The following CTSV variants were observed in gnomAD, a reference collection of about 807,000 sequenced individuals.
CTSV encodes cathepsin L2.
CTSV carries 33 observed loss-of-function variants against 35.6 expected under a neutral mutation model. The observed-to-expected ratio is 0.93, with a 90% confidence interval of 0.70 to 1.24. The LOEUF (loss-of-function observed/expected upper bound fraction) is 1.24. Ranked by LOEUF, CTSV falls within the 50% of genes most tolerant of loss-of-function variation. CTSV has a pLI of 0.00. For missense variants in CTSV, 408 were observed against 413.1 expected, an observed-to-expected ratio of 0.99 and a Z score of 0.11; for synonymous variants, 154 against 147.1, an observed-to-expected ratio of 1.05 and a Z score of -0.34.
rs1828719714 is a variant in CTSV at position 97,030,305 on chromosome 9, A to G, written c.*2644T>C. Reference sequence around the variant, plus strand: ...GCCTCTAGTATGATGCCCAAGTGTCATAACTACACTCCCACATCAGCAAAC... The same window carrying G: ...GCCTCTAGTATGATGCCCAAGTGTCGTAACTACACTCCCACATCAGCAAAC... On this transcript the variant is annotated 3_prime_UTR_variant, in exon 8 of 8. Transcript: ENST00000259470. 3 of 152,202 alleles carry G rather than the reference A, an allele frequency of 2.0e-5. No individual in the cohort carries two copies. The highest frequency in any genetic ancestry group is 4.4e-5 in the Non-Finnish European group (3 of 68,026). 9.4% of individuals were successfully genotyped at this position (152,202 alleles called of 1,614,324 possible).
At position 97,037,272 on chromosome 9, in the gene CTSV, C is replaced by T. The variant is rs754510545; in HGVS notation, c.376G>A (p.Val126Met). ...CTCACCTGATTCTTCACTGGCGTCACGTAGCCTTTCTTTCTCCAATCCACA... is the reference window on the plus strand; with the variant it reads ...CTCACCTGATTCTTCACTGGCGTCATGTAGCCTTTCTTTCTCCAATCCACA... ...KSVDWRKKGY[V>M]TPVKNQKQCG... Residue 126 changes from valine (V) to methionine (M), a missense_variant, in exon 4 of 8, where the codon GTG becomes ATG. Transcript: ENST00000259470. 5.0e-6 allele frequency: 8 copies of T among 1,614,068 alleles called. No individual in the cohort carries two copies. Among genetic ancestry groups the T allele is most frequent in the African/African-American group, 1.3e-5 (1 of 75,038 alleles).
intron 1 of CTSV, 53 bp from the exon 2 acceptor site, chr9:97,038,106 C>T (rs1361709460): frequency 6.5e-7 from 1 of 1,529,382 alleles, no homozygotes; most frequent in Non-Finnish European, 9.0e-7. Context: ...AAAAAGCCAT[C>T]TTACAGCCCC....
chr9:97,035,592 T>G lies in CTSV; in HGVS notation c.723A>C (p.Ala241=). 1.9e-6 allele frequency: 3 copies of G among 1,605,136 alleles called. No individual in the cohort carries two copies. Among genetic ancestry groups the G allele is most frequent in the Non-Finnish European group, 2.6e-6 (3 of 1,174,908 alleles). ...GKEKALMKAV[A]TVGPISVAMD... ...TAGCAACGGAGATGGGCCCCACAGTTGCGACTGCTTTCATCAGGGCCTTCT... is the reference window on the plus strand; with the variant it reads ...TAGCAACGGAGATGGGCCCCACAGTGGCGACTGCTTTCATCAGGGCCTTCT... The change falls in exon 6 of 8, where the codon GCA becomes GCC. Residue 241 remains alanine (A), a synonymous_variant. Coordinates refer to ENST00000259470, the MANE Select transcript of CTSV (RefSeq NM_001333.4).
At position 97,029,766 on chromosome 9, in the gene CTSV, A is replaced by G. The variant is rs938979424; in HGVS notation, c.*3183T>C. On this transcript the variant is annotated 3_prime_UTR_variant, in exon 8 of 8. Coordinates refer to ENST00000259470, the MANE Select transcript of CTSV (RefSeq NM_001333.4). The stretch of plus-strand genomic sequence containing the variant: ...TTGTTTACAATTGAGATATCCATAC[A>G]CACAAGTCATGTGCTGTGTGATGTT... 6.6e-6 allele frequency: 1 copy of G among 152,226 alleles called. No homozygotes were observed. Among genetic ancestry groups the G allele is most frequent in the Non-Finnish European group, 1.5e-5 (1 of 68,038 alleles). The allele number at this position is 152,226 out of a possible 1,614,324, so 9.4% of individuals were successfully genotyped here. A position where few individuals can be genotyped will look rare whatever the true frequency, so the allele number is the denominator to read the frequency against.
intron 1 of CTSV, 100 bp from the exon 2 acceptor site, chr9:97,038,153 T>C: frequency 1.5e-6 from 2 of 1,294,416 alleles, no homozygotes; most frequent in South Asian, 1.5e-5. Flanking sequence ...CTCCCTAGCA[T>C]TTCCCCAAGG....
intron 7 of CTSV, among the ~76,000 whole-genome samples, chr9:97,033,789 C>T (rs1033363476): frequency 6.6e-6 from 1 of 151,914 alleles, no homozygotes; most frequent in African/African-American, 2.4e-5. Context: ...CAGAGCAAGA[C>T]TCCATCTCAG....
At chr9:97,033,480 G>A (rs572656624) in intron 7 of CTSV, among the ~76,000 whole-genome samples, 18 of 151,404 alleles carry the variant, frequency 1.2e-4, no homozygotes, top group African/African-American at 3.6e-4. Context: ...AAAATTAACC[G>A]GGCATGTAAT....
intron 7 of CTSV, among the ~76,000 whole-genome samples, chr9:97,034,053 T>C (rs1438064771): frequency 6.6e-6 from 1 of 151,938 alleles, no homozygotes; most frequent in Non-Finnish European, 1.5e-5. Flanking sequence ...GCTGAGATCG[T>C]GCCACTGCAC....
At chr9:97,034,576 G>T in intron 7 of CTSV, 150 bp downstream of exon 7, 1 of 621,764 alleles carries the variant, frequency 1.6e-6, no homozygotes, top group Non-Finnish European at 2.8e-6. Context: ...CAAAAAGCTT[G>T]GTACGGAATC....
chr9:97,036,679 A>G lies in CTSV; in HGVS notation c.465T>C (p.Thr155=). 6.2e-7 allele frequency: 1 copy of G among 1,614,060 alleles called. No individual in the cohort carries two copies. Among genetic ancestry groups the G allele is most frequent in the Non-Finnish European group, 8.5e-7 (1 of 1,180,016 alleles). ...GALEGQMFRK[T]GKLVSLSEQN... is the part of the protein sequence containing the mutation. ...GCTCGCTCAGTGAGACAAGTTTCCC[A>G]GTTTTCCGGAACATCTGTCCTTCAA... Residue 155 remains threonine, a synonymous_variant, in exon 5 of 8, where the codon ACT becomes ACC. Coordinates refer to ENST00000259470, the MANE Select transcript of CTSV (RefSeq NM_001333.4).
intron 7 of CTSV, among the ~76,000 whole-genome samples, chr9:97,034,052 G>C (rs186043423): frequency 1.3e-5 from 2 of 152,158 alleles, no homozygotes; most frequent in Non-Finnish European, 2.9e-5. Flanking sequence ...AGCTGAGATC[G>C]TGCCACTGCA....
intron 4 of CTSV, 129 bp from the exon 5 acceptor site, chr9:97,036,876 G>T (rs1411702982): frequency 3.5e-6 from 3 of 847,236 alleles, no homozygotes; most frequent in Non-Finnish European, 5.2e-6. Context: ...AGGCCGAGGC[G>T]GGCAGATCAC....
intron 4 of CTSV, 95 bp from the exon 5 acceptor site, chr9:97,036,842 A>C (rs1828861235): frequency 1.7e-6 from 2 of 1,209,064 alleles, no homozygotes; most frequent in African/African-American, 3.1e-5. Flanking sequence ...TAAAAAAAAA[A>C]AAAACCCATC....
chr9:97,036,080 T>C (rs1459212058), intron 5 of CTSV, among the ~76,000 whole-genome samples: 1 of 151,964 alleles, frequency 6.6e-6, no homozygotes, highest in Non-Finnish European at 1.5e-5. Context: ...ATAATTTTTT[T>C]TTTTTTTTGA....
Position 97,034,768 on chromosome 9 carries a change from C to A in CTSV, c.863G>T (p.Gly288Val). 6.2e-7 allele frequency: 1 copy of A among 1,614,076 alleles called. No homozygotes were observed. Among genetic ancestry groups the A allele is most frequent in the Non-Finnish European group, 8.5e-7 (1 of 1,180,020 alleles). The change falls in exon 7 of 8, where the codon GGA becomes GTA. Residue 288 changes from glycine to valine, a missense_variant. Coordinates refer to ENST00000259470, the MANE Select transcript of CTSV (RefSeq NM_001333.4). The part of the protein sequence containing the change: ...GVLVVGYGFE[G>V]ANSNNSKYWL... ...ATACTTGCTGTTATTCGAATTTGCT[C>A]CTTCAAAGCCGTAGCCAACCACCAG... is the stretch of plus-strand genomic sequence containing the variant.
At position 97,037,242 on chromosome 9, in the gene CTSV, G is replaced by A. The variant is rs761989224; in HGVS notation, c.396+10C>T. ...TGTGGAGACAGGGTCTGAATCTGAC[G>A]CTGTCTCACCTGATTCTTCACTGGC... On this transcript the variant is annotated intron_variant, in intron 4 of 7. Coordinates refer to ENST00000259470, the MANE Select transcript of CTSV (RefSeq NM_001333.4). The A allele has an allele frequency of 2.4e-5, 38 of 1,612,054 alleles. No individual in the cohort carries two copies. In the East Asian group the frequency reaches 2.7e-4, roughly 11 times the overall value.
At position 97,031,899 on chromosome 9, in the gene CTSV, T is replaced by C. The variant is rs992626797; in HGVS notation, c.*1050A>G. Reference sequence around the variant, plus strand: ...GCTTTTCTAGAAGAGCTAGGTGGAATATGTCATCAGAGACTTGGAATGAAA... The same window carrying C: ...GCTTTTCTAGAAGAGCTAGGTGGAACATGTCATCAGAGACTTGGAATGAAA... On this transcript the variant is annotated 3_prime_UTR_variant, in exon 8 of 8. Coordinates refer to ENST00000259470, the MANE Select transcript of CTSV (RefSeq NM_001333.4). 3.3e-5 allele frequency: 5 copies of C among 152,232 alleles called. No individual in the cohort carries two copies. Among genetic ancestry groups the C allele is most frequent in the African/African-American group, 1.2e-4 (5 of 41,464 alleles). The allele number at this position is 152,232 out of a possible 1,614,324, so 9.4% of individuals were successfully genotyped here.
chr9:97,037,462 C>G, intron 3 of CTSV, 31 bp downstream of exon 3: 4 of 1,613,946 alleles, frequency 2.5e-6, no homozygotes, highest in Non-Finnish European at 3.4e-6. Flanking sequence ...TGAGAAGCAG[C>G]ACAGAGTTCA....
chr9:97,033,829 C>T (rs1340103024), intron 7 of CTSV, among the ~76,000 whole-genome samples: 6 of 151,988 alleles, frequency 3.9e-5, no homozygotes, highest in Non-Finnish European at 8.8e-5. Flanking sequence ...GGCACGGTGG[C>T]TCATGTCTGT....
Sources: gnomAD v4.1 joint callset for allele counts (sites outside exome capture counted in the v4.1 genomes callset) on GRCh38, gnomAD v4.1.1 for gene constraint, MANE v1.5 for transcripts, NCBI Gene and HGNC (gene_info 2026-07-23, HGNC 2026-07-21) for gene names.